Variants in CR1 observed in about 807,000 individuals in gnomAD.
CR1 encodes the protein complement C3b/C4b receptor 1 (Knops blood group).
CR1 carries 116 observed loss-of-function variants against 187.3 expected under a neutral mutation model. That is an observed-to-expected ratio of 0.62 (90% CI 0.53 to 0.72). The LOEUF (loss-of-function observed/expected upper bound fraction) is 0.72, where lower values mean the gene tolerates loss of function less well. CR1 is among the 30% of genes least tolerant of loss of function. CR1 has a pLI of 0.00. For synonymous variants in CR1, 576 were observed against 747.1 expected (o/e 0.77, Z 3.73); for missense variants, 1,731 against 2,110.7 (o/e 0.82, Z 3.52).
intron 4 of CR1, 59 bp from the exon 5 acceptor site, chr1:207,523,552 G>A (rs185398685): frequency 6.2e-7 from 1 of 1,605,252 alleles, no homozygotes; most frequent in South Asian, 1.1e-5. Flanking sequence ...TGACTCATGA[G>A]ATTTCTGTCA....
chr1:207,588,373 G>A (rs1010484206), intron 34 of CR1, among the ~76,000 whole-genome samples: 7 of 152,150 alleles, frequency 4.6e-5, no homozygotes, highest in Admixed American at 2.0e-4. Flanking sequence ...GTTTTGCCAC[G>A]TTGGCCAGGC....
At position 207,499,146 on chromosome 1, in the gene CR1, A is replaced by T. The variant is rs1659189154; in HGVS notation, c.121+2758A>T. Among the ~76,000 whole-genome samples, 4 of 152,282 alleles carry T rather than the reference A, an allele frequency of 2.6e-5. No individual in the cohort carries two copies. In the Middle Eastern group the frequency reaches 0.01, roughly 388 times the overall value. ...ACCGTTTTAAATATAGACAATATAT[A>T]TGAAAAGTAAATGGATAAAGATATA... On this transcript the variant is annotated intron_variant, in intron 1 of 46. Coordinates refer to ENST00000367049, the MANE Select transcript of CR1 (RefSeq NM_000651.6).
At chr1:207,605,714 T>C (rs1661730344) in intron 35 of CR1, among the ~76,000 whole-genome samples, 1 of 152,204 alleles carries the variant, frequency 6.6e-6, no homozygotes, top group Admixed American at 6.5e-5. Context: ...CAGGTAATAA[T>C]GGGATTATCC....
At chr1:207,604,703 C>T (rs972986604) in intron 35 of CR1, among the ~76,000 whole-genome samples, 2 of 152,178 alleles carry the variant, frequency 1.3e-5, no homozygotes, top group Non-Finnish European at 2.9e-5. Context: ...ATTTTAAATG[C>T]ATTTTAACAT....
intron 46 of CR1, among the ~76,000 whole-genome samples, chr1:207,633,875 C>T (rs567569559): frequency 3.3e-5 from 5 of 152,106 alleles, no homozygotes; most frequent in African/African-American, 9.6e-5. Context: ...GGGGTGGGGC[C>T]GTTTTATAAG....
intron 46 of CR1, among the ~76,000 whole-genome samples, chr1:207,632,730 G>A (rs887103378): frequency 6.7e-6 from 1 of 150,260 alleles, no homozygotes; most frequent in East Asian, 2.0e-4. Context: ...CCCGGGAGGC[G>A]GAGCTTGCAG....
intron 43 of CR1, among the ~76,000 whole-genome samples, chr1:207,621,595 A>G (rs1430978306): frequency 6.6e-6 from 1 of 152,236 alleles, no homozygotes; most frequent in East Asian, 1.9e-4. Context: ...TGATGCATCT[A>G]CTAGATTATG....
intron 4 of CR1, among the ~76,000 whole-genome samples, chr1:207,519,083 CATA>C (rs1659890259): frequency 6.6e-6 from 1 of 152,192 alleles, no homozygotes; most frequent in Non-Finnish European, 1.5e-5. Context: ...CTTTACCTCT[CATA>C]ATACTTCTTA....
At chr1:207,580,094 C>G (rs1660886903) in intron 29 of CR1, 146 bp from the exon 30 acceptor site, 1 of 1,136,972 alleles carries the variant, frequency 8.8e-7, no homozygotes, top group African/African-American at 1.6e-5. Context: ...ATACCTCATG[C>G]CCTGTAGATT....
chr1:207,613,854 CT>C (rs1304519433), intron 39 of CR1, among the ~76,000 whole-genome samples: 1 of 152,188 alleles, frequency 6.6e-6, no homozygotes, highest in East Asian at 1.9e-4. Flanking sequence ...CCCCTCCCTT[CT>C]TTTTTTCTTA....
chr1:207,518,411 T>G (rs1034573965), intron 4 of CR1, among the ~76,000 whole-genome samples: 2 of 152,176 alleles, frequency 1.3e-5, no homozygotes, highest in African/African-American at 4.8e-5. Context: ...TAGAACAGTC[T>G]TTTTTTCCCC....
chr1:207,499,888 G>T (rs770963997), intron 1 of CR1, among the ~76,000 whole-genome samples: 1 of 152,152 alleles, frequency 6.6e-6, no homozygotes, highest in Non-Finnish European at 1.5e-5. Flanking sequence ...AACATCAAAA[G>T]TGTCCTACAC....
intron 34 of CR1, 86 bp downstream of exon 34, chr1:207,587,651 C>T: frequency 1.5e-6 from 2 of 1,333,882 alleles, no homozygotes; most frequent in Non-Finnish European, 2.0e-6. Flanking sequence ...GTAATCCCAT[C>T]ACTTTGGGAG....
At chr1:207,504,196 C>G (rs1460593590) in intron 1 of CR1, among the ~76,000 whole-genome samples, 1 of 152,112 alleles carries the variant, frequency 6.6e-6, no homozygotes, top group African/African-American at 2.4e-5. Flanking sequence ...TGGAACATGT[C>G]CCCCAAAGAT....
intron 43 of CR1, 22 bp from the exon 44 acceptor site, chr1:207,621,951 G>A (rs756449000): frequency 3.1e-6 from 5 of 1,587,328 alleles, no homozygotes; most frequent in Non-Finnish European, 4.3e-6. Context: ...GTGATGTTTT[G>A]TGACTTTTGT....
chr1:207,628,931 TTC>T (rs1235783923), intron 45 of CR1, among the ~76,000 whole-genome samples: 4 of 152,190 alleles, frequency 2.6e-5, no homozygotes, highest in Admixed American at 2.6e-4. Flanking sequence ...ATATTGAGAT[TTC>T]CTGGCGTTTC....
At chr1:207,621,291 A>G (rs1261225705) in intron 43 of CR1, among the ~76,000 whole-genome samples, 13 of 152,172 alleles carry the variant, frequency 8.5e-5, no homozygotes, top group Admixed American at 8.5e-4. Context: ...TGTCCATTAA[A>G]TTAACAATAA....
chr1:207,525,675 T>C lies in CR1; in HGVS notation c.887-1078T>C, dbSNP rs1425819494. Among the ~76,000 whole-genome samples the C allele has an allele frequency of 2.0e-5, 3 of 152,090 alleles. No individual in the cohort carries two copies. In the East Asian group the frequency reaches 5.8e-4, roughly 29 times the overall value. ...CCCAGCTATCAAGGAAGATGAACAA[T>C]TGTAGTTTTAAGGCTTCCTTTGCTA... On this transcript the variant is annotated intron_variant, in intron 5 of 46. Coordinates refer to ENST00000367049, the MANE Select transcript of CR1 (RefSeq NM_000651.6).
intron 45 of CR1, 41 bp downstream of exon 45, chr1:207,623,109 T>C: frequency 7.3e-7 from 1 of 1,361,632 alleles, no homozygotes; most frequent in Non-Finnish European, 1.0e-6. Flanking sequence ...TAAACTGTAC[T>C]TACCCCCTCT....
Sources: allele counts gnomAD v4.1 joint callset (sites outside exome capture counted in the v4.1 genomes callset), GRCh38; gene constraint gnomAD v4.1.1; transcripts MANE v1.5; gene names NCBI Gene and HGNC (gene_info 2026-07-23, HGNC 2026-07-21).